Variants in PADI4 observed in about 807,000 individuals in gnomAD.
The protein encoded by PADI4 is protein-arginine deiminase type-4.
A neutral mutation model predicts 75.0 loss-of-function variants in PADI4; 62 were observed. The ratio of observed to expected loss-of-function variants is 0.83; its 90% CI spans 0.67 to 1.02. PADI4 has a LOEUF of 1.02. PADI4 is among the 50% of genes least tolerant of loss of function. The probability of loss-of-function intolerance (pLI) is 0.00; values close to 1 mark genes in which losing one functional copy is unlikely to be tolerated. For synonymous variants in PADI4, 361 were observed against 348.1 expected, an observed-to-expected ratio of 1.04 and a Z score of -0.41; for missense variants, 845 against 850.5, an observed-to-expected ratio of 0.99 and a Z score of 0.08.
intron 8 of PADI4, among the ~76,000 whole-genome samples, chr1:17,342,935 A>G (rs1000753176): frequency 6.6e-6 from 1 of 152,260 alleles, no homozygotes; most frequent in African/African-American, 2.4e-5. Flanking sequence ...AGATTGCGCC[A>G]CTGCGCTCCA....
At chr1:17,329,305 G>A (rs1424036331) in intron 1 of PADI4, among the ~76,000 whole-genome samples, 5 of 146,604 alleles carry the variant, frequency 3.4e-5, no homozygotes, top group Non-Finnish European at 7.5e-5. Context: ...CAGCCTGGGC[G>A]ACAGTGAGAC....
At chr1:17,309,788 G>A (rs561553185) in intron 1 of PADI4, among the ~76,000 whole-genome samples, 1 of 152,346 alleles carries the variant, frequency 6.6e-6, no homozygotes, top group South Asian at 2.1e-4. Context: ...AAGTTGGGGA[G>A]AAAAGGAAAA....
Position 17,340,672 on chromosome 1 carries a change from C to T in PADI4, c.652+859C>T, listed in dbSNP as rs572235999. On this transcript the variant is annotated intron_variant, in intron 6 of 15. Transcript: ENST00000375448. ...GAGGGGAAGGGGGAGGTCAGGTAGG[C>T]GTATATTGACTTTGGCTTCTGGATG... Among the ~76,000 whole-genome samples, 19 of 146,162 alleles carry T rather than the reference C, an allele frequency of 1.3e-4. No homozygotes were observed. In the East Asian group the frequency reaches 2.4e-3, roughly 18 times the overall value.
intron 1 of PADI4, among the ~76,000 whole-genome samples, chr1:17,319,845 C>T (rs1413063364): frequency 6.6e-6 from 1 of 152,184 alleles, no homozygotes; most frequent in East Asian, 1.9e-4. Context: ...TCAGCCAAAA[C>T]AGTGCTTGGT....
intron 2 of PADI4, among the ~76,000 whole-genome samples, chr1:17,333,540 G>A (rs542156191): frequency 6.6e-6 from 1 of 151,924 alleles, no homozygotes; most frequent in South Asian, 2.1e-4. Context: ...CCTTTCCAGG[G>A]TCTGGTTCTT....
chr1:17,349,512 C>T (rs2074581524), intron 10 of PADI4, among the ~76,000 whole-genome samples: 1 of 152,122 alleles, frequency 6.6e-6, no homozygotes, highest in African/African-American at 2.4e-5. Flanking sequence ...CGAGACCAGC[C>T]TGGCCAGCAT....
chr1:17,332,483 C>T (rs1031687989), intron 2 of PADI4, among the ~76,000 whole-genome samples: 1 of 152,166 alleles, frequency 6.6e-6, no homozygotes, highest in Non-Finnish European at 1.5e-5. Context: ...CTCCTGACCT[C>T]AAGTGATCCA....
chr1:17,354,006 G>A (rs1044089077), intron 10 of PADI4, among the ~76,000 whole-genome samples: 19 of 151,810 alleles, frequency 1.3e-4, no homozygotes, highest in African/African-American at 3.9e-4. Flanking sequence ...TTGGGAGGTC[G>A]AGGCAGATGG....
At chr1:17,340,776 T>C (rs1570049408) in intron 6 of PADI4, among the ~76,000 whole-genome samples, 1 of 149,550 alleles carries the variant, frequency 6.7e-6, no homozygotes, top group South Asian at 2.1e-4. Flanking sequence ...TCATTCTGCC[T>C]GGTCTATTCC....
intron 1 of PADI4, among the ~76,000 whole-genome samples, chr1:17,311,584 G>A (rs570842493): frequency 6.6e-5 from 10 of 151,514 alleles, no homozygotes; most frequent in African/African-American, 2.2e-4. Context: ...GAGTGCAGTG[G>A]CAAGATCTTG....
chr1:17,351,962 G>GACT (rs1255524162), intron 10 of PADI4, among the ~76,000 whole-genome samples: 23 of 88,504 alleles, frequency 2.6e-4, no homozygotes, highest in African/African-American at 1.1e-3. Flanking sequence ...TGGGAGGAGA[G>GACT]GCGGCCAGGG....
intron 1 of PADI4, 138 bp from the exon 2 acceptor site, chr1:17,330,830 GA>G (rs1323749667): frequency 1.7e-6 from 1 of 588,140 alleles, no homozygotes; most frequent in African/African-American, 2.0e-5. Flanking sequence ...GATACACCCA[GA>G]AAAAATACTT....
At chr1:17,332,632 G>T (rs1381755315) in intron 2 of PADI4, among the ~76,000 whole-genome samples, 1 of 152,130 alleles carries the variant, frequency 6.6e-6, no homozygotes, top group Non-Finnish European at 1.5e-5. Flanking sequence ...GGATATGGAT[G>T]TATCTTTTTG....
chr1:17,344,786 G>A (rs1487796670), intron 8 of PADI4, among the ~76,000 whole-genome samples: 4 of 152,226 alleles, frequency 2.6e-5, no homozygotes, highest in South Asian at 2.1e-4. Context: ...GTGTGGAAAC[G>A]CCTAGATGCC....
intron 2 of PADI4, among the ~76,000 whole-genome samples, chr1:17,333,104 A>G (rs1019535963): frequency 6.6e-6 from 1 of 152,208 alleles, no homozygotes; most frequent in East Asian, 1.9e-4. Context: ...AGCGAATAAC[A>G]AGACAGCATT....
At chr1:17,359,162 T>C in intron 14 of PADI4, 118 bp from the exon 15 acceptor site, 1 of 786,974 alleles carries the variant, frequency 1.3e-6, no homozygotes. Flanking sequence ...CTTCACTGCC[T>C]TCCTGACACT....
In PADI4 at chr1:17,358,837, GA is replaced by G. The variant is rs780511491; in HGVS notation, c.1566del (p.Lys522AsnfsTer5). 9 of 1,591,292 alleles carry G rather than the reference GA, an allele frequency of 5.7e-6. No individual in the cohort carries two copies. The highest frequency in any genetic ancestry group is 3.4e-5 in the Admixed American group (2 of 57,976). On this transcript the variant is annotated frameshift_variant and splice_region_variant, in exon 14 of 16. Coordinates refer to ENST00000375448, the MANE Select transcript of PADI4 (RefSeq NM_012387.3). LOFTEE classifies it high-confidence loss of function. ...GEALLFEGIK[K>X]KKQQKIKNIL... ...CTTTTTTTTCTTTTTCTCCATGACA[GA>G]AAAAAAACAGCAGAAAATAAAGAAC...
chr1:17,353,913 C>T (rs562241562), intron 10 of PADI4, among the ~76,000 whole-genome samples: 1 of 152,290 alleles, frequency 6.6e-6, no homozygotes, highest in East Asian at 1.9e-4. Context: ...CCCAGTGGAA[C>T]TGATTTCACA....
In PADI4 at chr1:17,356,234, T is replaced by G; in HGVS notation, c.1455+107T>G. On this transcript the variant is annotated intron_variant, in intron 12 of 15. Transcript: ENST00000375448. The surrounding 1 kb of genome is among the most constrained non-coding windows in gnomAD (Gnocchi z 4.1). Reference sequence around the variant, plus strand: ...GTCTATTTCTCCTTCACCCTTAGGATGGCAGTAGAGGAGGTGGCCAGCTTG... The same window carrying G: ...GTCTATTTCTCCTTCACCCTTAGGAGGGCAGTAGAGGAGGTGGCCAGCTTG... 7.2e-7 allele frequency: 1 copy of G among 1,379,962 alleles called. No individual in the cohort carries two copies. The highest frequency in any genetic ancestry group is 1.0e-6 in the Non-Finnish European group (1 of 998,848). The allele number at this position is 1,379,962 out of a possible 1,614,324, so 85.5% of individuals were successfully genotyped here. A position where few individuals can be genotyped will look rare whatever the true frequency, so the allele number is the denominator to read the frequency against.
Sources: allele counts gnomAD v4.1 joint callset (sites outside exome capture counted in the v4.1 genomes callset), GRCh38; gene constraint gnomAD v4.1.1; non-coding constraint Gnocchi (gnomAD v3.1); transcripts MANE v1.5; gene names NCBI Gene and HGNC (gene_info 2026-07-23, HGNC 2026-07-21).